Variants in TMCO1 observed in about 807,000 individuals in gnomAD.
TMCO1 encodes transmembrane and coiled-coil domains 1.
A neutral mutation model predicts 29.3 loss-of-function variants in TMCO1; 29 were observed. The observed-to-expected ratio is 0.99, with a 90% CI of 0.74 to 1.35. TMCO1 has a LOEUF of 1.35. TMCO1 is among the 40% of genes most tolerant of loss of function. The probability of loss-of-function intolerance (pLI) is 0.00; values close to 1 mark genes in which losing one functional copy is unlikely to be tolerated. For missense variants in TMCO1, 173 were observed against 225.5 expected (o/e 0.77, Z 1.49); for synonymous variants, 80 against 77.1 (o/e 1.04, Z -0.20).
chr1:165,732,497 C>A (rs890743504), intron 6 of TMCO1, among the ~76,000 whole-genome samples: 2 of 143,014 alleles, frequency 1.4e-5, no homozygotes, highest in African/African-American at 5.7e-5. Context: ...CTCTCTCTCT[C>A]TCTCTCTCTA....
chr1:165,728,189 T>A, intron 6 of TMCO1, 68 bp from the exon 7 acceptor site: 1 of 1,285,518 alleles, frequency 7.8e-7, no homozygotes, highest in African/African-American at 1.5e-5. Flanking sequence ...TTTATGTAGC[T>A]CTCAGGCAAA....
chr1:165,742,454 A>T (rs1350716593), intron 6 of TMCO1, among the ~76,000 whole-genome samples: 2 of 152,096 alleles, frequency 1.3e-5, no homozygotes, highest in Non-Finnish European at 2.9e-5. Context: ...GTAGAGATGG[A>T]ATCTCACAAT....
chr1:165,759,597 T>C lies in TMCO1; in HGVS notation c.149-13A>G, dbSNP rs1183883545. On this transcript the variant is annotated splice_polypyrimidine_tract_variant and intron_variant, in intron 2 of 6. Coordinates refer to ENST00000367881, the MANE Select transcript of TMCO1 (RefSeq NM_019026.6). Reference sequence around the variant, plus strand: ...TTCTTCTTTTCCACTGTAAACAACATAGTAACACAGTAAAAATTAACTGGA... The same window carrying C: ...TTCTTCTTTTCCACTGTAAACAACACAGTAACACAGTAAAAATTAACTGGA... 11 of 1,608,946 alleles carry C rather than the reference T, an allele frequency of 6.8e-6. No homozygotes were observed. The highest frequency in any genetic ancestry group is 5.5e-5 in the South Asian group (5 of 90,798).
chr1:165,744,771 C>T (rs1340205258), intron 5 of TMCO1, among the ~76,000 whole-genome samples: 1 of 90,744 alleles, frequency 1.1e-5, no homozygotes, highest in Non-Finnish European at 2.1e-5. Flanking sequence ...TCCTGGGCAA[C>T]AAGAGCAAAA....
intron 2 of TMCO1, among the ~76,000 whole-genome samples, chr1:165,767,099 C>T (rs973043618): frequency 2.6e-5 from 4 of 152,114 alleles, no homozygotes; most frequent in Non-Finnish European, 5.9e-5. Flanking sequence ...CATCCTGAGG[C>T]TCAATTTTCT....
At chr1:165,768,908 A>T, upstream of TMCO1, 1 of 1,544,186 alleles carries the variant, frequency 6.5e-7, no homozygotes, top group Non-Finnish European at 8.7e-7. Flanking sequence ...GGGGCATAGC[A>T]CCGGAAAGGC....
rs758217263 is a variant in TMCO1, at chr1:165,728,019, G to A, written c.*4C>T. 6.3e-7 allele frequency: 1 copy of A among 1,600,000 alleles called. No homozygotes were observed. The highest frequency in any genetic ancestry group is 1.1e-5 in the South Asian group (1 of 90,776). ...GAATGATAGAAAATAAAGAGTTCTTGAGTTCAAGAGAACTTCCCAGAAGGA... is the reference window on the plus strand; with the variant it reads ...GAATGATAGAAAATAAAGAGTTCTTAAGTTCAAGAGAACTTCCCAGAAGGA... On this transcript the variant is annotated 3_prime_UTR_variant, in exon 7 of 7. Coordinates refer to ENST00000367881, the MANE Select transcript of TMCO1 (RefSeq NM_019026.6).
chr1:165,753,723 G>C (rs1175536770), intron 4 of TMCO1, among the ~76,000 whole-genome samples: 1 of 151,926 alleles, frequency 6.6e-6, no homozygotes, highest in South Asian at 2.1e-4. Context: ...AGACAAGAGG[G>C]TCCCTAGAGC....
chr1:165,738,831 T>C (rs994655952), intron 6 of TMCO1, among the ~76,000 whole-genome samples: 1 of 152,238 alleles, frequency 6.6e-6, no homozygotes, highest in African/African-American at 2.4e-5. Flanking sequence ...AATAAGTAGT[T>C]AGAATTCAGC....
chr1:165,758,847 G>C (rs1309912061), intron 3 of TMCO1, among the ~76,000 whole-genome samples: 1 of 152,162 alleles, frequency 6.6e-6, no homozygotes, highest in Non-Finnish European at 1.5e-5. Context: ...AATTGACATA[G>C]TCTAATCGCA....
intron 5 of TMCO1, among the ~76,000 whole-genome samples, chr1:165,751,440 A>C (rs1175817363): frequency 6.6e-6 from 1 of 152,108 alleles, no homozygotes. Flanking sequence ...GTGGTGGCTC[A>C]CGCCTGTAAT....
chr1:165,768,686 T>C lies in TMCO1; in HGVS notation c.66A>G (p.Ala22=), dbSNP rs1652675251. The change falls in exon 1 of 7, where the codon GCA becomes GCG. Residue 22 remains alanine (A), a synonymous_variant. Coordinates refer to ENST00000367881, the MANE Select transcript of TMCO1 (RefSeq NM_019026.6). ...CTGAGAAATACCCGCTCTCACCCTC[T>C]GCGAGCAGAGCCGTGCACACAGAGA... ...VFISVCTALL[A]EGITWVLVYR... is the part of the protein sequence containing the mutation. The C allele has an allele frequency of 6.2e-7, 1 of 1,613,926 alleles. No individual in the cohort carries two copies. Among genetic ancestry groups the C allele is most frequent in the South Asian group, 1.1e-5 (1 of 91,078 alleles).
chr1:165,743,627 G>A (rs1651683532), intron 5 of TMCO1, among the ~76,000 whole-genome samples: 1 of 152,034 alleles, frequency 6.6e-6, no homozygotes, highest in Admixed American at 6.6e-5. Flanking sequence ...AATATTTACT[G>A]TATTAGAAAT....
intron 5 of TMCO1, among the ~76,000 whole-genome samples, chr1:165,745,763 T>C (rs1651774143): frequency 6.6e-6 from 1 of 152,206 alleles, no homozygotes; most frequent in Non-Finnish European, 1.5e-5. Context: ...TTTATAAAAA[T>C]AGATGTACAG....
Position 165,759,506 on chromosome 1 carries a change from G to C in TMCO1, c.208+19C>G. On this transcript the variant is annotated intron_variant, in intron 3 of 6. Transcript: ENST00000367881. ...TTTAAGAAAACCCAAATTTCATTTTGACTAATATCTCATCTTACCTATTTT... is the reference window on the plus strand; with the variant it reads ...TTTAAGAAAACCCAAATTTCATTTTCACTAATATCTCATCTTACCTATTTT... 1.3e-6 allele frequency: 2 copies of C among 1,590,150 alleles called. No homozygotes were observed. The highest frequency in any genetic ancestry group is 1.7e-6 in the Non-Finnish European group (2 of 1,161,502).
At chr1:165,759,307 C>G (rs1248312731) in intron 3 of TMCO1, among the ~76,000 whole-genome samples, 1 of 152,142 alleles carries the variant, frequency 6.6e-6, no homozygotes, top group Non-Finnish European at 1.5e-5. Context: ...AACTCAAATT[C>G]CAAAGCTAAG....
At chr1:165,741,584 T>C (rs1234285473) in intron 6 of TMCO1, among the ~76,000 whole-genome samples, 1 of 152,238 alleles carries the variant, frequency 6.6e-6, no homozygotes, top group Non-Finnish European at 1.5e-5. Flanking sequence ...TGTGGGGATG[T>C]GATGGGATAT....
intron 6 of TMCO1, among the ~76,000 whole-genome samples, chr1:165,734,925 T>C (rs1651311035): frequency 1.3e-5 from 2 of 152,238 alleles, no homozygotes; most frequent in Middle Eastern, 3.4e-3. Context: ...ACAAATAAAA[T>C]AGGGTAGAAA....
At chr1:165,749,002 C>T (rs545917558) in intron 5 of TMCO1, among the ~76,000 whole-genome samples, 36 of 152,268 alleles carry the variant, frequency 2.4e-4, no homozygotes, top group African/African-American at 8.2e-4. Flanking sequence ...CATGTCTTTT[C>T]ATGGCTTACC....
Sources: allele counts gnomAD v4.1 joint callset (sites outside exome capture counted in the v4.1 genomes callset), GRCh38; gene constraint gnomAD v4.1.1; transcripts MANE v1.5; gene names NCBI Gene and HGNC (gene_info 2026-07-23, HGNC 2026-07-21).